Variants in CLEC7A observed in about 807,000 individuals in gnomAD.
CLEC7A encodes C-type lectin domain family 7 member A.
Under a neutral mutation model 26.9 loss-of-function variants are expected in CLEC7A, and 25 were observed. The ratio of observed to expected loss-of-function variants is 0.93; its 90% CI spans 0.68 to 1.30. The LOEUF (loss-of-function observed/expected upper bound fraction) is 1.30, where lower values mean the gene tolerates loss of function less well. CLEC7A is among the 50% of genes most tolerant of loss of function. The pLI is 0.00. For missense variants in CLEC7A, 275 were observed against 286.7 expected, an observed-to-expected ratio of 0.96 and a Z score of 0.29; for synonymous variants, 100 against 99.5, an observed-to-expected ratio of 1.01 and a Z score of -0.03.
intron 2 of CLEC7A, 151 bp downstream of exon 2, chr12:10,127,596 T>A: frequency 1.1e-6 from 1 of 937,018 alleles, no homozygotes; most frequent in Non-Finnish European, 1.7e-6. Flanking sequence ...ATAAGTGAAA[T>A]GGGCATTAAC....
At position 10,127,854 on chromosome 12, in the gene CLEC7A, C is replaced by A. The variant is rs1414767234; in HGVS notation, c.104-9G>T. The A allele has an allele frequency of 6.6e-7, 1 of 1,514,108 alleles. No homozygotes were observed. The highest frequency in any genetic ancestry group is 2.1e-5 in the Admixed American group (1 of 47,392). The allele number at this position is 1,514,108 out of a possible 1,614,324, so 93.8% of individuals were successfully genotyped here. A position where few individuals can be genotyped will look rare whatever the true frequency, so the allele number is the denominator to read the frequency against. ...AGATGCAGCACACGATCCTGAGGAG[C>A]CAGAGGGGGCAGAAATGGAATAAAG... On this transcript the variant is annotated splice_polypyrimidine_tract_variant and intron_variant, in intron 1 of 5. Coordinates refer to ENST00000304084, the MANE Select transcript of CLEC7A (RefSeq NM_197947.3).
intron 5 of CLEC7A, 88 bp from the exon 6 acceptor site, chr12:10,118,678 G>T: frequency 8.8e-7 from 1 of 1,139,646 alleles, no homozygotes; most frequent in Non-Finnish European, 1.3e-6. Flanking sequence ...TAAGGATATT[G>T]GTGAAAAGAG....
At chr12:10,122,282 C>G (rs981845155) in intron 5 of CLEC7A, among the ~76,000 whole-genome samples, 1 of 152,008 alleles carries the variant, frequency 6.6e-6, no homozygotes, top group Non-Finnish European at 1.5e-5. Context: ...TGACAGAAAC[C>G]ACATAATAAG....
chr12:10,129,850 T>C, intron 1 of CLEC7A, 130 bp downstream of exon 1: 1 of 536,184 alleles, frequency 1.9e-6, no homozygotes, highest in Non-Finnish European at 3.4e-6. Context: ...ACTCCTGACC[T>C]CAGTCAATCC....
At chr12:10,123,127 T>A in intron 5 of CLEC7A, 118 bp downstream of exon 5, 1 of 648,522 alleles carries the variant, frequency 1.5e-6, no homozygotes, top group Non-Finnish European at 2.8e-6. Flanking sequence ...TCTTTCTCCC[T>A]CTCTTTCTCA....
intron 5 of CLEC7A, among the ~76,000 whole-genome samples, chr12:10,122,484 C>CTTTTTTTTT (rs143612827): frequency 7.4e-4 from 95 of 128,700 alleles, no homozygotes; most frequent in East Asian, 2.1e-3. Context: ...TTCTTTTTTT[C>CTTTTTTTTT]TTTTTTTTTT....
At chr12:10,123,534 G>T (rs1195165362) in intron 4 of CLEC7A, among the ~76,000 whole-genome samples, 171 bp from the exon 5 acceptor site, 1 of 151,852 alleles carries the variant, frequency 6.6e-6, no homozygotes, top group African/African-American at 2.4e-5. Context: ...GGCCGAGGCG[G>T]GTAGATCATG....
At chr12:10,128,027 A>G (rs548627964) in intron 1 of CLEC7A, among the ~76,000 whole-genome samples, 182 bp from the exon 2 acceptor site, 1 of 150,034 alleles carries the variant, frequency 6.7e-6, no homozygotes, top group East Asian at 1.9e-4. Flanking sequence ...CCTGGGCAAC[A>G]CAGGGAGACC....
In CLEC7A at chr12:10,125,451, G is replaced by A. The variant is rs1389884829; in HGVS notation, c.341-3C>T. ...AGGACAAGGGCTGGAAAGAACCCCT[G>A]GAAATAAAAGATTAGTACCATGAGG... On this transcript the variant is annotated splice_region_variant and splice_polypyrimidine_tract_variant and intron_variant, in intron 3 of 5. Coordinates refer to ENST00000304084, the MANE Select transcript of CLEC7A (RefSeq NM_197947.3). The A allele has an allele frequency of 1.2e-6, 2 of 1,608,002 alleles. No individual in the cohort carries two copies. The highest frequency in any genetic ancestry group is 2.2e-5 in the South Asian group (2 of 90,754).
rs1451224240 is a variant in CLEC7A at position 10,118,536 on chromosome 12, C to G, written c.666G>C (p.Trp222Cys). 1 of 1,612,818 alleles carries G rather than the reference C, an allele frequency of 6.2e-7. No homozygotes were observed. Among genetic ancestry groups the G allele is most frequent in the African/African-American group, 1.3e-5 (1 of 74,878 alleles). Residue 222 changes from tryptophan (W) to cysteine (C), a missense_variant, in exon 6 of 6, where the codon TGG (tryptophan) becomes TGC (cysteine). Trp to Cys is a radical substitution (Grantham distance 215). Coordinates refer to ENST00000304084, the MANE Select transcript of CLEC7A (RefSeq NM_197947.3). ...TQENPSPNCV[W>C]IHVSVIYDQL... ...GGTCATAAATGACTGACACGTGAAT[C>G]CATACACAATTTGGAGATGGGTTTT...
In CLEC7A at chr12:10,123,312, C is replaced by T; in HGVS notation, c.544G>A (p.Gly182Ser). The change falls in exon 5 of 6, where the codon GGC becomes AGC. Residue 182 changes from glycine to serine, a missense_variant. Physicochemically the swap from Gly to Ser is moderately conservative, Grantham distance 56 (BLOSUM62 0). Coordinates refer to ENST00000304084, the MANE Select transcript of CLEC7A (RefSeq NM_197947.3). ...SSQPDNSFWI[G>S]LSRPQTEVPW... ...ACCTCAGTCTGGGGCCGAGAAAGGC[C>T]TATCCAAAATGAATTATCAGGTTGG... The T allele has an allele frequency of 6.2e-7, 1 of 1,613,568 alleles. No individual in the cohort carries two copies. Among genetic ancestry groups the T allele is most frequent in the Non-Finnish European group, 8.5e-7 (1 of 1,179,564 alleles).
intron 2 of CLEC7A, chr12:10,127,042 T>C (rs1334269701): frequency 7.2e-7 from 1 of 1,395,252 alleles, no homozygotes; most frequent in East Asian, 3.6e-5. Context: ...TCTTTCACCT[T>C]TCTTCTGTTA....
chr12:10,129,336 T>C (rs1243977544), intron 1 of CLEC7A, among the ~76,000 whole-genome samples: 1 of 152,228 alleles, frequency 6.6e-6, no homozygotes, highest in Non-Finnish European at 1.5e-5. Flanking sequence ...AACAAGTCAC[T>C]CATACAGAAA....
Position 10,127,739 on chromosome 12 carries a change from A to G in CLEC7A, c.202+8T>C. 3.9e-6 allele frequency: 6 copies of G among 1,556,318 alleles called. No homozygotes were observed. Among genetic ancestry groups the G allele is most frequent in the Non-Finnish European group, 5.3e-6 (6 of 1,138,818 alleles). ...GTCTGTTGTTAATCTCCTCCACCAA[A>G]TACTCACCCATGGTACCCAGGACCA... On this transcript the variant is annotated splice_region_variant and intron_variant, in intron 2 of 5. Coordinates refer to ENST00000304084, the MANE Select transcript of CLEC7A (RefSeq NM_197947.3).
intron 5 of CLEC7A, among the ~76,000 whole-genome samples, chr12:10,122,932 G>C (rs925591086): frequency 6.6e-6 from 1 of 151,970 alleles, no homozygotes; most frequent in African/African-American, 2.4e-5. Context: ...TCTTAACCGG[G>C]GAGTTACACT....
chr12:10,127,681 A>C (rs1441513059), intron 2 of CLEC7A, 66 bp downstream of exon 2: 2 of 1,140,410 alleles, frequency 1.8e-6, no homozygotes, highest in African/African-American at 3.1e-5. Flanking sequence ...CCCTTAAAAG[A>C]GTGCCTGGCA....
intron 1 of CLEC7A, 89 bp downstream of exon 1, chr12:10,129,891 T>C (rs1948431766): frequency 8.1e-6 from 6 of 738,396 alleles, no homozygotes; most frequent in South Asian, 4.9e-5. Flanking sequence ...GTGCTGGGAT[T>C]ACAGGTGTGA....
chr12:10,123,686 G>A (rs1314260461), intron 4 of CLEC7A, among the ~76,000 whole-genome samples: 6 of 139,262 alleles, frequency 4.3e-5, no homozygotes, highest in Admixed American at 6.8e-5. Context: ...GCATGAACCC[G>A]GGAAGCGGAG....
rs997794156 is a variant in CLEC7A at position 10,118,217 on chromosome 12, T to C, written c.*241A>G. Reference sequence around the variant, plus strand: ...TAAATAAAAAATAAAAACTCAAGCTTGGCTGCCCTGATTCCATGTCTAGGG... The same window carrying C: ...TAAATAAAAAATAAAAACTCAAGCTCGGCTGCCCTGATTCCATGTCTAGGG... On this transcript the variant is annotated 3_prime_UTR_variant, in exon 6 of 6. Transcript: ENST00000304084. The C allele has an allele frequency of 2.9e-5, 13 of 453,910 alleles. No individual in the cohort carries two copies. Among genetic ancestry groups the C allele is most frequent in the South Asian group, 6.7e-5 (2 of 29,910 alleles). The allele number at this position is 453,910 out of a possible 1,614,324, so 28.1% of individuals were successfully genotyped here.
Sources: allele counts gnomAD v4.1 joint callset (sites outside exome capture counted in the v4.1 genomes callset), GRCh38; gene constraint gnomAD v4.1.1; transcripts MANE v1.5; gene names NCBI Gene and HGNC (gene_info 2026-07-23, HGNC 2026-07-21).